CALN1: variants seen among roughly 807,000 people sequenced by gnomAD.
The protein encoded by CALN1 is calneuron 1.
Under a neutral mutation model 30.6 loss-of-function variants are expected in CALN1, and 17 were observed. The observed-to-expected ratio is 0.56, with a 90% confidence interval of 0.38 to 0.83. The LOEUF is 0.83. Ranked by LOEUF, CALN1 falls within the 40% of genes least tolerant of loss-of-function variation. CALN1 has a pLI of 0.00. For synonymous variants in CALN1, 156 were observed against 131.4 expected, an observed-to-expected ratio of 1.19 and a Z score of -1.28; for missense variants, 291 against 354.9, an observed-to-expected ratio of 0.82 and a Z score of 1.45.
chr7:71,939,862 A>C (rs6460697), intron 5 of CALN1, among the ~76,000 whole-genome samples: 1 of 151,926 alleles, frequency 6.6e-6, no homozygotes, highest in East Asian at 1.9e-4. Flanking sequence ...TACTCTTGCC[A>C]AACTCCCTAA....
chr7:72,407,958 T>C (rs1001154714), intron 1 of CALN1, among the ~76,000 whole-genome samples: 2 of 152,128 alleles, frequency 1.3e-5, no homozygotes, highest in Admixed American at 1.3e-4. Flanking sequence ...AGCTTGTTCC[T>C]GAGAGTATCC....
chr7:72,163,457 C>T (rs1447358233), intron 3 of CALN1, among the ~76,000 whole-genome samples: 2 of 144,838 alleles, frequency 1.4e-5, no homozygotes, highest in East Asian at 3.9e-4. Flanking sequence ...TAGAAACAGA[C>T]CCCAAGATGA....
At chr7:72,231,454 G>A (rs562647539) in intron 3 of CALN1, among the ~76,000 whole-genome samples, 11 of 152,278 alleles carry the variant, frequency 7.2e-5, no homozygotes, top group Admixed American at 7.2e-4. Context: ...CTCTGCAAAG[G>A]ACAGGATCTC....
At chr7:72,337,132 G>A in intron 2 of CALN1, 1 of 985,808 alleles carries the variant, frequency 1.0e-6, no homozygotes, top group Non-Finnish European at 1.2e-6. Context: ...AGTGGCCGAG[G>A]CCCCGCTGGA....
intron 1 of CALN1, among the ~76,000 whole-genome samples, chr7:72,442,046 C>T (rs1808362853): frequency 6.6e-6 from 1 of 152,148 alleles, no homozygotes; most frequent in African/African-American, 2.4e-5. Flanking sequence ...CTTGAGTCAT[C>T]CTCGACTCAT....
intron 2 of CALN1, among the ~76,000 whole-genome samples, chr7:72,374,741 G>C (rs1184726426): frequency 6.6e-6 from 1 of 152,116 alleles, no homozygotes; most frequent in Admixed American, 6.6e-5. Context: ...TTGTTCTGGA[G>C]ATTTAAGCCA....
In CALN1 at chr7:72,425,073, C is replaced by A. The variant is rs553277363; in HGVS notation, c.-225-12798G>T. On this transcript the variant is annotated intron_variant, in intron 1 of 6. Coordinates refer to the CALN1 transcript ENST00000395276. ...CATTGGCATCCATGTTGCTAAAGGA[C>A]CTAAGGACCTCAGAGAGGGGTAGGG... Among the ~76,000 whole-genome samples the A allele has an allele frequency of 3.9e-5, 6 of 152,216 alleles. No homozygotes were observed. The East Asian group carries it at 1.2e-3, about 29-fold the overall frequency.
intron 6 of CALN1, among the ~76,000 whole-genome samples, chr7:71,788,499 T>G (rs1434904458): frequency 2.8e-5 from 4 of 140,776 alleles, no homozygotes; most frequent in African/African-American, 1.3e-4. Context: ...TTGTTTTTTT[T>G]TTTTTTTTTA....
chr7:72,231,626 T>C (rs1794106445), intron 3 of CALN1, among the ~76,000 whole-genome samples: 1 of 152,180 alleles, frequency 6.6e-6, no homozygotes, highest in African/African-American at 2.4e-5. Context: ...GAATGATATT[T>C]TATTGCTATT....
chr7:72,307,965 TCTCA>T (rs1359867744), intron 2 of CALN1, among the ~76,000 whole-genome samples: 2 of 151,934 alleles, frequency 1.3e-5, no homozygotes, highest in Admixed American at 1.3e-4. Context: ...TCGTGAGTCC[TCTCA>T]CTCACTAACC....
chr7:71,811,893 G>A (rs1787983662), intron 5 of CALN1, among the ~76,000 whole-genome samples: 1 of 151,432 alleles, frequency 6.6e-6, no homozygotes, highest in South Asian at 2.1e-4. Context: ...TGGTCAAGCT[G>A]GTCTCGAACT....
intron 2 of CALN1, among the ~76,000 whole-genome samples, chr7:72,369,923 TTAG>T (rs1804120744): frequency 6.6e-6 from 1 of 152,226 alleles, no homozygotes; most frequent in Admixed American, 6.5e-5. Flanking sequence ...AAAGCTGCAA[TTAG>T]TAGTCATGTT....
chr7:72,409,316 C>T (rs1022483902), intron 1 of CALN1, among the ~76,000 whole-genome samples: 1 of 151,824 alleles, frequency 6.6e-6, no homozygotes, highest in Admixed American at 6.6e-5. Flanking sequence ...AAATGGACCT[C>T]TGTGCTTGTA....
At chr7:72,321,095 C>T (rs1490243046) in intron 2 of CALN1, among the ~76,000 whole-genome samples, 3 of 152,180 alleles carry the variant, frequency 2.0e-5, no homozygotes, top group African/African-American at 7.2e-5. Flanking sequence ...AATCTTTATG[C>T]TCACTTTCAG....
intron 3 of CALN1, among the ~76,000 whole-genome samples, chr7:72,205,551 A>AAATATATACATATACATATATATATAT: frequency 2.4e-5 from 2 of 83,044 alleles, no homozygotes; most frequent in Admixed American, 1.4e-4. Context: ...GCAAAAAAAA[A>AAATATATACATATACATATATATATAT]ATATATATAT....
At chr7:72,245,930 G>A (rs1795128482) in intron 3 of CALN1, among the ~76,000 whole-genome samples, 1 of 152,200 alleles carries the variant, frequency 6.6e-6, no homozygotes, top group South Asian at 2.1e-4. Context: ...TGCCCTGGCA[G>A]CAATGCTTAC....
At chr7:71,960,178 T>TA (rs1554397054) in intron 5 of CALN1, among the ~76,000 whole-genome samples, 78 of 77,986 alleles carry the variant, frequency 1.0e-3, no homozygotes, top group African/African-American at 3.3e-3. Flanking sequence ...AATAAATAAA[T>TA]AAATAAAATA....
In CALN1 at chr7:72,252,358, G is replaced by A. The variant is rs565871577; in HGVS notation, c.244+26328C>T. ...CTCACATCTATATTCCTAGCACTTA[G>A]GGAGGCCAAGGCAGGCAGATCACTT... On this transcript the variant is annotated intron_variant, in intron 3 of 6. Coordinates refer to ENST00000395275, the MANE Select transcript of CALN1 (RefSeq NM_031468.4). Among the ~76,000 whole-genome samples, 5 of 152,256 alleles carry A rather than the reference G, an allele frequency of 3.3e-5. No homozygotes were observed. In the East Asian group the frequency reaches 9.6e-4, roughly 29 times the overall value.
chr7:71,929,375 T>G (rs1273774719), intron 5 of CALN1, among the ~76,000 whole-genome samples: 1 of 152,232 alleles, frequency 6.6e-6, no homozygotes, highest in Non-Finnish European at 1.5e-5. Context: ...AGTGAGAACA[T>G]GCAGTACTGG....
Sources: allele counts gnomAD v4.1 joint callset (sites outside exome capture counted in the v4.1 genomes callset), GRCh38; gene constraint gnomAD v4.1.1; transcripts MANE v1.5; gene names NCBI Gene and HGNC (gene_info 2026-07-23, HGNC 2026-07-21).